Variants in ESRRG observed in about 807,000 individuals in gnomAD.
ESRRG encodes the protein estrogen related receptor gamma.
In ESRRG, 13 loss-of-function variants were observed where a neutral mutation model predicts 44.0. The observed-to-expected ratio is 0.30, with a 90% CI of 0.19 to 0.47. The LOEUF (loss-of-function observed/expected upper bound fraction) is 0.47. Among genes scored for constraint, ESRRG ranks in the 20% least tolerant of loss-of-function variants. ESRRG has a pLI of 1.00. For synonymous variants in ESRRG, 215 were observed against 214.6 expected (o/e 1.00, Z -0.02); for missense variants, 395 against 580.6 (o/e 0.68, Z 3.29).
Position 216,873,886 on chromosome 1 carries a change from GGGAAGGGA to G in ESRRG, c.-14+65688_-14+65695del, listed in dbSNP as rs2096298462. 7.4e-3 allele frequency among the ~76,000 whole-genome samples: 216 copies of G among 29,120 alleles called. 10 individuals are homozygous for G. The highest frequency in any genetic ancestry group is 0.033 in the African/African-American group (190 of 5,808). 19.1% of individuals were successfully genotyped at this position (29,120 alleles called of 152,430 possible). On this transcript the variant is annotated intron_variant, in intron 2 of 7. Transcript: ENST00000359162. ...GACGGACAGGAGAGAAGGGAGGGAA[GGGAAGGGA>G]AGGGAAGGGAAGGGAAGGGAAGGGA...
At chr1:216,642,954 C>G (rs1229583213) in intron 3 of ESRRG, among the ~76,000 whole-genome samples, 1 of 152,044 alleles carries the variant, frequency 6.6e-6, no homozygotes. Context: ...GAGAACCTAC[C>G]TGGAAAACAC....
At chr1:216,752,416 A>G (rs541890219) in intron 2 of ESRRG, among the ~76,000 whole-genome samples, 2 of 152,204 alleles carry the variant, frequency 1.3e-5, no homozygotes, top group East Asian at 3.9e-4. Context: ...GCTGCCTCTA[A>G]AGAACAAAAA....
intron 1 of ESRRG, among the ~76,000 whole-genome samples, chr1:217,077,108 C>T (rs2091371589): frequency 6.6e-6 from 1 of 152,166 alleles, no homozygotes; most frequent in Non-Finnish European, 1.5e-5. Context: ...GCTCTCCTGG[C>T]TCATTTGTAT....
intron 1 of ESRRG, chr1:216,714,483 A>G (rs564328326): frequency 6.3e-5 from 31 of 492,196 alleles, no homozygotes; most frequent in Non-Finnish European, 7.6e-5. Flanking sequence ...AATGTAAGCA[A>G]AGGAAGACAA....
At chr1:216,785,777 G>A (rs2147976405) in intron 2 of ESRRG, among the ~76,000 whole-genome samples, 1 of 151,992 alleles carries the variant, frequency 6.6e-6, no homozygotes, top group South Asian at 2.1e-4. Flanking sequence ...AACCTTTGTA[G>A]CAACATTCTT....
intron 2 of ESRRG, among the ~76,000 whole-genome samples, chr1:216,855,696 T>C (rs1261643003): frequency 6.6e-6 from 1 of 152,126 alleles, no homozygotes; most frequent in African/African-American, 2.4e-5. Context: ...TGTCTCCACC[T>C]GCCCCCTCCC....
At chr1:216,687,332 T>C (rs1006018745) in intron 1 of ESRRG, among the ~76,000 whole-genome samples, 3 of 152,130 alleles carry the variant, frequency 2.0e-5, no homozygotes, top group Admixed American at 2.0e-4. Context: ...TGAATGTTTG[T>C]CCCAGTGTGC....
intron 3 of ESRRG, among the ~76,000 whole-genome samples, chr1:216,638,700 C>T (rs2065793343): frequency 6.6e-6 from 1 of 152,202 alleles, no homozygotes; most frequent in African/African-American, 2.4e-5. Context: ...AGGATAGAAA[C>T]TCTTTTGTCC....
chr1:216,648,399 T>C (rs1240382140), intron 3 of ESRRG, among the ~76,000 whole-genome samples: 1 of 152,112 alleles, frequency 6.6e-6, no homozygotes, highest in Non-Finnish European at 1.5e-5. Context: ...AAATTATTAT[T>C]TGAGTATATC....
chr1:217,081,114 C>T (rs906917659), intron 1 of ESRRG, among the ~76,000 whole-genome samples: 2 of 149,728 alleles, frequency 1.3e-5, no homozygotes, highest in African/African-American at 4.9e-5. Context: ...GCTCAAATTT[C>T]TTAAATAATT....
At chr1:216,845,326 G>T (rs1050778766) in intron 2 of ESRRG, among the ~76,000 whole-genome samples, 1 of 152,090 alleles carries the variant, frequency 6.6e-6, no homozygotes, top group African/African-American at 2.4e-5. Flanking sequence ...AGTCAAACGT[G>T]CAAGAGCCTT....
chr1:216,759,699 A>C (rs896416087), intron 2 of ESRRG, among the ~76,000 whole-genome samples: 2 of 152,116 alleles, frequency 1.3e-5, no homozygotes, highest in Admixed American at 6.6e-5. Context: ...GGCACCAGGT[A>C]TACTAATATT....
chr1:216,886,211 C>A (rs918753227), intron 2 of ESRRG, among the ~76,000 whole-genome samples: 3 of 152,150 alleles, frequency 2.0e-5, no homozygotes, highest in Non-Finnish European at 4.4e-5. Context: ...GCATCCACTT[C>A]ATTTTACATT....
In ESRRG at chr1:217,117,572, G is replaced by A. The variant is rs1580618851; in HGVS notation, c.-230+20095C>T. Among the ~76,000 whole-genome samples, 3 of 151,988 alleles carry A rather than the reference G, an allele frequency of 2.0e-5. No individual in the cohort carries two copies. The South Asian group carries it at 6.2e-4, about 32-fold the overall frequency. On this transcript the variant is annotated intron_variant, in intron 1 of 8. Coordinates refer to the ESRRG transcript ENST00000366940. ...TGCATTCCAGCCTGGATGACAGAGC[G>A]AGACCCTGTCTCCAAAAATAAATAA...
chr1:216,994,482 C>T (rs748076781), intron 1 of ESRRG, among the ~76,000 whole-genome samples: 15 of 150,440 alleles, frequency 1.0e-4, no homozygotes, highest in Non-Finnish European at 1.6e-4. Flanking sequence ...CACACACACA[C>T]ACATCCTGGT....
intron 5 of ESRRG, among the ~76,000 whole-genome samples, chr1:216,560,098 TTC>T (rs1449360874): frequency 6.6e-6 from 1 of 152,154 alleles, no homozygotes; most frequent in African/African-American, 2.4e-5. Context: ...TGGCTTAGAT[TTC>T]TGTTTCTTAT....
At chr1:217,055,695 T>G (rs2086940732) in intron 1 of ESRRG, among the ~76,000 whole-genome samples, 1 of 152,094 alleles carries the variant, frequency 6.6e-6, no homozygotes, top group Non-Finnish European at 1.5e-5. Flanking sequence ...ACAGGGTCAT[T>G]CTAAGGGTAT....
At chr1:216,737,025 T>C (rs1375520024) in intron 2 of ESRRG, among the ~76,000 whole-genome samples, 1 of 152,218 alleles carries the variant, frequency 6.6e-6, no homozygotes, top group Admixed American at 6.5e-5. Flanking sequence ...TTCAACACAT[T>C]GAGTCTTAAA....
chr1:216,872,055 C>A (rs1424090204), intron 2 of ESRRG, among the ~76,000 whole-genome samples: 1 of 152,138 alleles, frequency 6.6e-6, no homozygotes, highest in Non-Finnish European at 1.5e-5. Context: ...ACCTTCATTT[C>A]TCAGCAGTAT....
Sources: allele counts gnomAD v4.1 joint callset (sites outside exome capture counted in the v4.1 genomes callset), GRCh38; gene constraint gnomAD v4.1.1; transcripts MANE v1.5; gene names NCBI Gene and HGNC (gene_info 2026-07-23, HGNC 2026-07-21).